DENND5B: variants seen among roughly 807,000 people sequenced by gnomAD.
The protein encoded by DENND5B is DENN domain containing 5B, also known as DENN domain-containing protein 5B.
Under a neutral mutation model 140.6 loss-of-function variants are expected in DENND5B, and 34 were observed. The observed-to-expected ratio is 0.24, with a 90% CI of 0.18 to 0.32. The LOEUF is 0.32. Among genes scored for constraint, DENND5B ranks in the 10% least tolerant of loss-of-function variants. The pLI, the probability that DENND5B is intolerant of heterozygous loss-of-function variation, is 1.00. For synonymous variants in DENND5B, 551 were observed against 562.1 expected (o/e 0.98, Z 0.28); for missense variants, 1,142 against 1,560.2 (o/e 0.73, Z 4.52).
chr12:31,431,970 T>A (rs1943529961), intron 8 of DENND5B: 1 of 764,016 alleles, frequency 1.3e-6, no homozygotes, highest in Admixed American at 6.3e-5. Flanking sequence ...CTCACACATG[T>A]GTAACATTCA....
Position 31,387,284 on chromosome 12 carries a change from C to T in DENND5B, c.*319G>A, listed in dbSNP as rs887334377. On this transcript the variant is annotated 3_prime_UTR_variant, in exon 21 of 21. Transcript: ENST00000389082. ...TAGCACCACTCTTCCCCCCAACCCC[C>T]AACATTTTTAAGCTACTTATTTTAA... 5.2e-6 allele frequency: 1 copy of T among 191,882 alleles called. No homozygotes were observed. The highest frequency in any genetic ancestry group is 2.3e-5 in the African/African-American group (1 of 42,934). 11.9% of individuals were successfully genotyped at this position (191,882 alleles called of 1,614,324 possible).
intron 2 of DENND5B, among the ~76,000 whole-genome samples, chr12:31,491,909 A>G (rs542598218): frequency 6.6e-6 from 1 of 152,258 alleles, no homozygotes; most frequent in Admixed American, 6.5e-5. Context: ...CTAATATTAC[A>G]GAAGGTGATG....
chr12:31,529,524 A>G (rs911328924), intron 1 of DENND5B, among the ~76,000 whole-genome samples: 1 of 151,926 alleles, frequency 6.6e-6, no homozygotes, highest in Non-Finnish European at 1.5e-5. Flanking sequence ...AAATAATTCA[A>G]CAGCCATCAC....
intron 1 of DENND5B, among the ~76,000 whole-genome samples, chr12:31,523,363 T>A (rs1357630824): frequency 6.6e-6 from 1 of 152,128 alleles, no homozygotes; most frequent in African/African-American, 2.4e-5. Context: ...ACACCTGGCC[T>A]ATTCTTGCAA....
chr12:31,562,179 A>T (rs1346896608), intron 1 of DENND5B, among the ~76,000 whole-genome samples: 1 of 152,228 alleles, frequency 6.6e-6, no homozygotes, highest in Non-Finnish European at 1.5e-5. Context: ...CTTAGAAATC[A>T]TATTAATACT....
chr12:31,459,490 A>G (rs1418259285), intron 4 of DENND5B, among the ~76,000 whole-genome samples: 2 of 151,674 alleles, frequency 1.3e-5, no homozygotes, highest in Non-Finnish European at 2.9e-5. Flanking sequence ...GGGTTTCATC[A>G]TGTTAGCCAG....
chr12:31,475,758 A>T (rs1224779590), intron 3 of DENND5B, among the ~76,000 whole-genome samples: 1 of 152,010 alleles, frequency 6.6e-6, no homozygotes, highest in Non-Finnish European at 1.5e-5. Context: ...CAAAACAAAC[A>T]AACAAAAAAA....
intron 11 of DENND5B, among the ~76,000 whole-genome samples, chr12:31,421,835 G>A (rs754097570): frequency 3.3e-5 from 5 of 152,160 alleles, no homozygotes; most frequent in Non-Finnish European, 5.9e-5. Context: ...TACAGGCGTT[G>A]AGTCAACATG....
chr12:31,576,899 TAA>T (rs11320234), intron 1 of DENND5B, among the ~76,000 whole-genome samples: 7 of 148,736 alleles, frequency 4.7e-5, no homozygotes, highest in African/African-American at 7.4e-5. Flanking sequence ...ACCTTATTTC[TAA>T]AAAAAAAAAG....
intron 1 of DENND5B, among the ~76,000 whole-genome samples, chr12:31,528,769 C>G (rs969806841): frequency 6.6e-6 from 1 of 152,196 alleles, no homozygotes; most frequent in African/African-American, 2.4e-5. Context: ...GATGTTAAGA[C>G]AGCAGTCAGA....
chr12:31,469,050 A>G (rs1177439352), intron 3 of DENND5B, among the ~76,000 whole-genome samples: 1 of 152,122 alleles, frequency 6.6e-6, no homozygotes, highest in African/African-American at 2.4e-5. Context: ...AAAAAAATAG[A>G]GGTGGCCAGG....
chr12:31,542,158 G>A (rs1948699488), intron 1 of DENND5B, among the ~76,000 whole-genome samples: 1 of 151,810 alleles, frequency 6.6e-6, no homozygotes, highest in African/African-American at 2.4e-5. Context: ...CGTGGTGGTG[G>A]GCACTTGTAG....
At chr12:31,527,260 G>T (rs34986122) in intron 1 of DENND5B, among the ~76,000 whole-genome samples, 1 of 152,066 alleles carries the variant, frequency 6.6e-6, no homozygotes, top group East Asian at 1.9e-4. Flanking sequence ...AAGATCCTTG[G>T]GGGGAAGAGC....
intron 15 of DENND5B, 102 bp downstream of exon 15, chr12:31,402,396 C>T: frequency 7.2e-7 from 1 of 1,397,128 alleles, no homozygotes; most frequent in Non-Finnish European, 9.6e-7. Flanking sequence ...TTGAGTGTTC[C>T]TCTATTTTAT....
intron 2 of DENND5B, among the ~76,000 whole-genome samples, chr12:31,494,762 C>T (rs1046898888): frequency 5.3e-5 from 8 of 152,146 alleles, no homozygotes; most frequent in Non-Finnish European, 1.2e-4. Context: ...ACCAAACAGA[C>T]TGATCGTGGG....
At chr12:31,543,463 A>C (rs1446768033) in intron 1 of DENND5B, among the ~76,000 whole-genome samples, 1 of 152,196 alleles carries the variant, frequency 6.6e-6, no homozygotes, top group Non-Finnish European at 1.5e-5. Flanking sequence ...GTGACTTATA[A>C]AATTTTATCT....
intron 1 of DENND5B, among the ~76,000 whole-genome samples, chr12:31,552,610 A>G (rs2139258499): frequency 2.0e-5 from 3 of 152,278 alleles, no homozygotes; most frequent in Non-Finnish European, 4.4e-5. Flanking sequence ...CTCTTTTTCT[A>G]CTGATTGGAA....
At chr12:31,409,474 C>CT (rs139434599) in intron 13 of DENND5B, 90 bp from the exon 14 acceptor site, 4,267 of 284,632 alleles carry the variant, frequency 0.015, 9 homozygotes, top group South Asian at 0.024. Context: ...TTCATTATGT[C>CT]TTTTTTTTTT....
chr12:31,423,755 C>T, intron 10 of DENND5B, 80 bp from the exon 11 acceptor site: 1 of 1,429,926 alleles, frequency 7.0e-7, no homozygotes, highest in Non-Finnish European at 9.8e-7. Context: ...ATTCATATTC[C>T]AATAGCCATT....
Sources: allele counts gnomAD v4.1 joint callset (sites outside exome capture counted in the v4.1 genomes callset), GRCh38; gene constraint gnomAD v4.1.1; transcripts MANE v1.5; gene names NCBI Gene and HGNC (gene_info 2026-07-23, HGNC 2026-07-21).